The following DHRSX variants were observed in gnomAD, a reference collection of about 807,000 sequenced individuals.
DHRSX encodes the protein polyprenol dehydrogenase.
Under a neutral mutation model 34.0 loss-of-function variants are expected in DHRSX, and 31 were observed. The observed-to-expected ratio is 0.91, with a 90% CI of 0.69 to 1.23. DHRSX has a LOEUF of 1.23. DHRSX is among the 50% of genes most tolerant of loss of function. The pLI, the probability that DHRSX is intolerant of heterozygous loss-of-function variation, is 0.00. For missense variants in DHRSX, 414 were observed against 428.1 expected, an observed-to-expected ratio of 0.97 and a Z score of 0.29; for synonymous variants, 201 against 183.8, an observed-to-expected ratio of 1.09 and a Z score of -0.76.
At chrX:2,454,971 G>T (rs1310935174) in intron 1 of DHRSX, among the ~76,000 whole-genome samples, 1 of 151,938 alleles carries the variant, frequency 6.6e-6, no homozygotes, top group East Asian at 1.9e-4. Context: ...AATTAGCTGG[G>T]CGTGGTGGCA....
In DHRSX at chrX:2,375,476, G is replaced by A. The variant is rs185222194; in HGVS notation, c.286+33269C>T. 2.9e-5 allele frequency among the ~76,000 whole-genome samples: 4 copies of A among 138,110 alleles called. 1 individual carries two copies. The highest frequency in any genetic ancestry group is 1.4e-4 in the Admixed American group (2 of 13,884). 90.6% of individuals were successfully genotyped at this position (138,110 alleles called of 152,430 possible). A position where few individuals can be genotyped will look rare whatever the true frequency, so the allele number is the denominator to read the frequency against. On this transcript the variant is annotated intron_variant, in intron 3 of 6. Transcript: ENST00000334651. ...GTTTATATTTAGCTGGGCACACGCC[G>A]TGTGGATGCCCGTTTTCTTCCTCCT... is the stretch of plus-strand genomic sequence containing the variant.
At chrX:2,438,689 G>T (rs995369901) in intron 1 of DHRSX, among the ~76,000 whole-genome samples, 2 of 138,628 alleles carry the variant, frequency 1.4e-5, no homozygotes, top group Non-Finnish European at 3.2e-5. Flanking sequence ...AAAAAAAATG[G>T]TCGTTCATTT....
At chrX:2,248,645 A>G (rs2016359820) in intron 5 of DHRSX, among the ~76,000 whole-genome samples, 1 of 99,110 alleles carries the variant, frequency 1.0e-5, no homozygotes, top group Non-Finnish European at 3.1e-5. Context: ...AAAGAAAAGA[A>G]AAAGAAAGAA....
At position 2,227,343 on chromosome X, in the gene DHRSX, G is replaced by C. The variant is rs145919756; in HGVS notation, c.805-6114C>G. ...AATCAATGGAAGGAAGAAAGAGAAG[G>C]AGAAAGAAAAAGAGGAAGAAGAAAG... On this transcript the variant is annotated intron_variant, in intron 6 of 6. Coordinates refer to ENST00000334651, the MANE Select transcript of DHRSX (RefSeq NM_145177.3). Among the ~76,000 whole-genome samples, 783 of 150,860 alleles carry C rather than the reference G, an allele frequency of 5.2e-3. 6 individuals are homozygous for C. The highest frequency in any genetic ancestry group is 0.019 in the African/African-American group (759 of 40,756).
chrX:2,459,812 G>A (rs1217116291), intron 1 of DHRSX, among the ~76,000 whole-genome samples: 1 of 151,652 alleles, frequency 6.6e-6, no homozygotes, highest in African/African-American at 2.4e-5. Flanking sequence ...TGTGCTCAAG[G>A]TGTATCTACA....
At chrX:2,282,698 GGGAGAGAGGGAAGGAA>G (rs1298889948) in intron 4 of DHRSX, among the ~76,000 whole-genome samples, 1 of 144,512 alleles carries the variant, frequency 6.9e-6, no homozygotes, top group Non-Finnish European at 1.5e-5. Flanking sequence ...GGGAGAAAGA[GGGAGAGAGGGAAGGAA>G]GGAGAGAGGG....
At chrX:2,442,405 A>AAT (rs1212299713) in intron 1 of DHRSX, among the ~76,000 whole-genome samples, 7 of 151,776 alleles carry the variant, frequency 4.6e-5, no homozygotes, top group Admixed American at 4.6e-4. Context: ...TATATATTAT[A>AAT]ATATATATGA....
intron 1 of DHRSX, among the ~76,000 whole-genome samples, chrX:2,475,414 G>A (rs1455426072): frequency 6.7e-6 from 1 of 149,722 alleles, no homozygotes; most frequent in Non-Finnish European, 1.5e-5. Flanking sequence ...CCGCCACCAT[G>A]TACACACTGA....
At position 2,375,314 on chromosome X, in the gene DHRSX, A is replaced by C. The variant is rs114125564; in HGVS notation, c.286+33431T>G. Reference sequence around the variant, plus strand: ...ACAATGAATGAGCTTCCGATAAGTGAAAGTATGGTATGCACACCGCGGCTG... The same window carrying C: ...ACAATGAATGAGCTTCCGATAAGTGCAAGTATGGTATGCACACCGCGGCTG... On this transcript the variant is annotated intron_variant, in intron 3 of 6. Coordinates refer to ENST00000334651, the MANE Select transcript of DHRSX (RefSeq NM_145177.3). Among the ~76,000 whole-genome samples the C allele has an allele frequency of 4.5e-3, 627 of 138,078 alleles. 44 individuals carry two copies. The highest frequency in any genetic ancestry group is 0.015 in the African/African-American group (593 of 40,690). 90.6% of individuals were successfully genotyped at this position (138,078 alleles called of 152,430 possible).
At chrX:2,304,359 GGATA>G (rs1292071937) in intron 3 of DHRSX, among the ~76,000 whole-genome samples, 4 of 143,692 alleles carry the variant, frequency 2.8e-5, no homozygotes, top group Admixed American at 7.0e-5. Context: ...ATGGATGGAT[GGATA>G]GATGGATGGA....
intron 6 of DHRSX, among the ~76,000 whole-genome samples, chrX:2,226,781 C>T (rs750439461): frequency 3.8e-4 from 57 of 150,920 alleles, no homozygotes; most frequent in Non-Finnish European, 7.7e-4. Context: ...GGCGACAGAG[C>T]GAGATGCCAT....
At chrX:2,233,128 C>T (rs1052215104) in intron 6 of DHRSX, among the ~76,000 whole-genome samples, 5 of 152,152 alleles carry the variant, frequency 3.3e-5, no homozygotes, top group African/African-American at 1.2e-4. Flanking sequence ...GACTAAGACA[C>T]TTCCTATCTG....
intron 3 of DHRSX, among the ~76,000 whole-genome samples, chrX:2,386,905 T>C (rs114219311): frequency 0.067 from 9,998 of 149,946 alleles, 713 homozygotes; most frequent in African/African-American, 0.17. Flanking sequence ...TTTGCTTCTC[T>C]GCTACTTTCC....
chrX:2,265,056 G>A (rs1193808575), intron 5 of DHRSX, among the ~76,000 whole-genome samples: 3 of 149,160 alleles, frequency 2.0e-5, no homozygotes, highest in African/African-American at 7.5e-5. Flanking sequence ...GACACAGGGA[G>A]CACTGTCCCC....
chrX:2,402,694 A>T (rs2043500848), intron 3 of DHRSX, among the ~76,000 whole-genome samples: 1 of 139,678 alleles, frequency 7.2e-6, no homozygotes. Flanking sequence ...CAGATTTTAA[A>T]CTTTTTTCTT....
At chrX:2,263,607 G>A (rs1479949483) in intron 5 of DHRSX, among the ~76,000 whole-genome samples, 13 of 149,994 alleles carry the variant, frequency 8.7e-5, no homozygotes, top group South Asian at 4.2e-4. Context: ...TCCGCCTCCC[G>A]GGTTCAAGCG....
intron 2 of DHRSX, among the ~76,000 whole-genome samples, chrX:2,420,678 G>A (rs1442375430): frequency 6.6e-6 from 1 of 151,732 alleles, no homozygotes; most frequent in African/African-American, 2.4e-5. Flanking sequence ...GGGAGGCGGA[G>A]GTTGAAGTGA....
intron 5 of DHRSX, among the ~76,000 whole-genome samples, chrX:2,248,988 T>A (rs1435735995): frequency 6.6e-6 from 1 of 152,168 alleles, no homozygotes; most frequent in East Asian, 1.9e-4. Context: ...CCTATTCATC[T>A]GCTTTTGCAA....
chrX:2,271,637 AATCAGTCACAAGACAC>A (rs1261386226), intron 4 of DHRSX, among the ~76,000 whole-genome samples: 4 of 152,216 alleles, frequency 2.6e-5, no homozygotes, highest in Non-Finnish European at 5.9e-5. Context: ...GTCCAGTATC[AATCAGTCACAAGACAC>A]ATGTGTATTA....
Sources: allele counts gnomAD v4.1 joint callset (sites outside exome capture counted in the v4.1 genomes callset), GRCh38; gene constraint gnomAD v4.1.1; transcripts MANE v1.5; gene names NCBI Gene and HGNC (gene_info 2026-07-23, HGNC 2026-07-21).